MTOR: variants seen among roughly 807,000 people sequenced by gnomAD.
The protein encoded by MTOR is serine/threonine-protein kinase mTOR.
MTOR carries 70 observed loss-of-function variants against 319.8 expected under a neutral mutation model. The ratio of observed to expected loss-of-function variants is 0.22; its 90% CI spans 0.18 to 0.27. The LOEUF is 0.27. MTOR is among the 10% of genes least tolerant of loss of function. The pLI, the probability that MTOR is intolerant of heterozygous loss-of-function variation, is 1.00. For synonymous variants in MTOR, 1,183 were observed against 1,211.4 expected (o/e 0.98, Z 0.49); for missense variants, 1,890 against 3,274.4 (o/e 0.58, Z 10.32).
chr1:11,221,796 T>C (rs1646671354), intron 19 of MTOR, among the ~76,000 whole-genome samples: 1 of 149,778 alleles, frequency 6.7e-6, no homozygotes, highest in South Asian at 2.1e-4. Flanking sequence ...TGAGATTACA[T>C]ATATATATGT....
chr1:11,124,914 C>T (rs1642743358), intron 46 of MTOR, among the ~76,000 whole-genome samples: 1 of 152,230 alleles, frequency 6.6e-6, no homozygotes, highest in Non-Finnish European at 1.5e-5. Context: ...TTCCGACCCA[C>T]TCTGTCCTCC....
At chr1:11,136,138 AAAAC>A (rs892372920) in intron 36 of MTOR, among the ~76,000 whole-genome samples, 11 of 152,228 alleles carry the variant, frequency 7.2e-5, no homozygotes, top group African/African-American at 1.4e-4. Flanking sequence ...CTGTCTCAAA[AAAAC>A]AAACAAACAA....
At chr1:11,157,409 G>A in intron 29 of MTOR, 118 bp from the exon 30 acceptor site, 1 of 1,256,624 alleles carries the variant, frequency 8.0e-7, no homozygotes, top group South Asian at 1.7e-5. Context: ...ACCTATCACA[G>A]TTACGTCTGG....
At chr1:11,203,128 G>A (rs558920285) in intron 26 of MTOR, among the ~76,000 whole-genome samples, 29 of 150,428 alleles carry the variant, frequency 1.9e-4, no homozygotes, top group Admixed American at 1.6e-3. Context: ...CAGGAGAATC[G>A]CTTGAACCCA....
At chr1:11,139,241 C>T (rs758786955) in intron 36 of MTOR, 63 bp downstream of exon 36, 34 of 1,538,426 alleles carry the variant, frequency 2.2e-5, no homozygotes, top group South Asian at 5.1e-5. Context: ...AGAGGCAGAG[C>T]GAAGCAGATT....
intron 9 of MTOR, among the ~76,000 whole-genome samples, chr1:11,242,221 G>A (rs1648141739): frequency 6.6e-6 from 1 of 151,624 alleles, no homozygotes; most frequent in African/African-American, 2.4e-5. Flanking sequence ...AAAATTAGCT[G>A]GGCGTGCTGG....
intron 47 of MTOR, among the ~76,000 whole-genome samples, chr1:11,122,991 A>AT (rs1642623548): frequency 6.6e-6 from 1 of 152,164 alleles, no homozygotes; most frequent in African/African-American, 2.4e-5. Flanking sequence ...AGTGACTAAA[A>AT]TACCTCTCAA....
intron 46 of MTOR, among the ~76,000 whole-genome samples, chr1:11,126,217 C>T (rs1418012985): frequency 1.3e-5 from 2 of 151,202 alleles, no homozygotes; most frequent in African/African-American, 2.4e-5. Context: ...AATCATTTAC[C>T]ACAGAGACTA....
At chr1:11,187,950 C>T (rs1171229522) in intron 28 of MTOR, among the ~76,000 whole-genome samples, 1 of 152,162 alleles carries the variant, frequency 6.6e-6, no homozygotes, top group South Asian at 2.1e-4. Flanking sequence ...AAACTCTGAT[C>T]CACCTGATCC....
In MTOR at chr1:11,187,238, C is replaced by T. The variant is rs529319053; in HGVS notation, c.4253+12020G>A. ...TGAGAGTTCCAAGGCAGCAGGGTCACGTGGGATGCTATACATCAGTGGTCC... is the reference window on the plus strand; with the variant it reads ...TGAGAGTTCCAAGGCAGCAGGGTCATGTGGGATGCTATACATCAGTGGTCC... On this transcript the variant is annotated intron_variant, in intron 28 of 57. Coordinates refer to ENST00000361445, the MANE Select transcript of MTOR (RefSeq NM_004958.4). Among the ~76,000 whole-genome samples, 14 of 141,934 alleles carry T rather than the reference C, an allele frequency of 9.9e-5. No individual in the cohort carries two copies. In the East Asian group the frequency reaches 2.4e-3, roughly 24 times the overall value. 93.1% of individuals were successfully genotyped at this position (141,934 alleles called of 152,430 possible).
chr1:11,149,113 C>T (rs964702526), intron 31 of MTOR, among the ~76,000 whole-genome samples: 16 of 152,134 alleles, frequency 1.1e-4, no homozygotes, highest in African/African-American at 3.9e-4. Context: ...AATGGAGACA[C>T]AGAGATGCAT....
chr1:11,114,273 G>A (rs756604851), intron 53 of MTOR, 45 bp downstream of exon 53: 17 of 1,607,504 alleles, frequency 1.1e-5, no homozygotes, highest in Non-Finnish European at 1.4e-5. Flanking sequence ...AGGATTACAG[G>A]TGTGAGCCAC....
Position 11,128,353 on chromosome 1 carries a change from A to G in MTOR, c.5910+101T>C. 1.5e-6 allele frequency: 2 copies of G among 1,327,470 alleles called. No individual in the cohort carries two copies. Among genetic ancestry groups the G allele is most frequent in the South Asian group, 2.5e-5 (2 of 80,616 alleles). The allele number at this position is 1,327,470 out of a possible 1,614,324, so 82.2% of individuals were successfully genotyped here. A position where few individuals can be genotyped will look rare whatever the true frequency, so the allele number is the denominator to read the frequency against. Reference sequence around the variant, plus strand: ...ACCCTCCTGGGCCAGGATGGAACACATGGCTCCCAGTTCCTGCGCTTGTGT... The same window carrying G: ...ACCCTCCTGGGCCAGGATGGAACACGTGGCTCCCAGTTCCTGCGCTTGTGT... On this transcript the variant is annotated intron_variant, in intron 42 of 57. Transcript: ENST00000361445. This position sits in a 1 kb window ranked among gnomAD's most constrained non-coding sequence, Gnocchi z 5.3.
intron 36 of MTOR, among the ~76,000 whole-genome samples, chr1:11,137,152 T>TAAAAAAA (rs33927011): frequency 9.5e-5 from 7 of 73,302 alleles, no homozygotes; most frequent in East Asian, 4.2e-4. Flanking sequence ...TAAATCTGAT[T>TAAAAAAA]AAAAAAAAAA....
At chr1:11,250,521 TC>T (rs1292106327) in intron 6 of MTOR, among the ~76,000 whole-genome samples, 2 of 152,154 alleles carry the variant, frequency 1.3e-5, no homozygotes, top group African/African-American at 4.8e-5. Flanking sequence ...GCTCTCCTCC[TC>T]CCTCCCTGGC....
chr1:11,129,726 C>G lies in MTOR; in HGVS notation c.5714+12G>C. 1.2e-6 allele frequency: 2 copies of G among 1,611,842 alleles called. No homozygotes were observed. Among genetic ancestry groups the G allele is most frequent in the African/African-American group, 2.7e-5 (2 of 75,014 alleles). ...TGGCCTACCAGAGTTGCATCCTTCC[C>G]TTCTCTGATACCTGAGTGTATCCTG... On this transcript the variant is annotated intron_variant, in intron 40 of 57. Transcript: ENST00000361445. The surrounding 1 kb of genome is among the most constrained non-coding windows in gnomAD (Gnocchi z 4.7).
rs77772607 is a variant in MTOR at position 11,118,229 on chromosome 1, T to G, written c.6934-1143A>C. ...CGCCTTAAATTCCAAACTTAGTTAATTTTTTTTTTTTTTTTTTTTTTTTTT... is the reference window on the plus strand; with the variant it reads ...CGCCTTAAATTCCAAACTTAGTTAAGTTTTTTTTTTTTTTTTTTTTTTTTT... On this transcript the variant is annotated intron_variant, in intron 49 of 57. Coordinates refer to ENST00000361445, the MANE Select transcript of MTOR (RefSeq NM_004958.4). Among the ~76,000 whole-genome samples the G allele has an allele frequency of 2.8e-3, 223 of 79,838 alleles. 3 individuals are homozygous for G. The highest frequency in any genetic ancestry group is 0.016 in the African/African-American group (129 of 8,038). The allele number at this position is 79,838 out of a possible 152,430, so 52.4% of individuals were successfully genotyped here.
intron 30 of MTOR, 99 bp from the exon 31 acceptor site, chr1:11,150,325 C>T (rs1644096211): frequency 5.4e-6 from 5 of 923,424 alleles, no homozygotes; most frequent in Non-Finnish European, 8.3e-6. Context: ...TACACAGGAA[C>T]TGGACACCTT....
At position 11,199,135 on chromosome 1, in the gene MTOR, G is replaced by A. The variant is rs1055389593; in HGVS notation, c.4253+123C>T. On this transcript the variant is annotated intron_variant, in intron 28 of 57. Transcript: ENST00000361445. This position sits in a 1 kb window ranked among gnomAD's most constrained non-coding sequence, Gnocchi z 4.5. ...ACATGTCATTTAAACATGCTGGCCA[G>A]ACCCAGAGGCAGATTTCACAGAGCA... 5 of 1,257,976 alleles carry A rather than the reference G, an allele frequency of 4.0e-6. No individual in the cohort carries two copies. In the African/African-American group the frequency reaches 7.4e-5, roughly 19 times the overall value. The allele number at this position is 1,257,976 out of a possible 1,614,324, so 77.9% of individuals were successfully genotyped here. A position where few individuals can be genotyped will look rare whatever the true frequency, so the allele number is the denominator to read the frequency against.
Sources: gnomAD v4.1 joint callset for allele counts (sites outside exome capture counted in the v4.1 genomes callset) on GRCh38, gnomAD v4.1.1 for gene constraint, Gnocchi (gnomAD v3.1) non-coding constraint, MANE v1.5 for transcripts, NCBI Gene and HGNC (gene_info 2026-07-23, HGNC 2026-07-21) for gene names.